Variants in ERC2 observed in about 807,000 individuals in gnomAD.
The protein encoded by ERC2 is ERC protein 2.
ERC2 carries 42 observed loss-of-function variants against 114.8 expected under a neutral mutation model. The ratio of observed to expected loss-of-function variants is 0.37; its 90% CI spans 0.29 to 0.47. The LOEUF is 0.47. Among genes scored for constraint, ERC2 ranks in the 20% least tolerant of loss-of-function variants. The pLI is 0.99. For missense variants in ERC2, 939 were observed against 1,150.7 expected (o/e 0.82, Z 2.66); for synonymous variants, 454 against 425.5 (o/e 1.07, Z -0.82).
At chr3:55,582,518 T>A (rs921100710) in intron 17 of ERC2, among the ~76,000 whole-genome samples, 1 of 152,228 alleles carries the variant, frequency 6.6e-6, no homozygotes, top group Admixed American at 6.5e-5. Flanking sequence ...TGAAGTGGAA[T>A]CTTCTTTTTT....
At chr3:56,330,272 C>G (rs2057551430) in intron 2 of ERC2, among the ~76,000 whole-genome samples, 1 of 152,160 alleles carries the variant, frequency 6.6e-6, no homozygotes, top group African/African-American at 2.4e-5. Context: ...TTCCTGGGCT[C>G]AAGTGATCCA....
chr3:56,112,434 C>G (rs1445926295), intron 6 of ERC2, among the ~76,000 whole-genome samples: 3 of 6,642 alleles, frequency 4.5e-4, no homozygotes, highest in African/African-American at 1.1e-3. Context: ...GACAGACAGA[C>G]ACACACACAC....
At chr3:56,022,822 G>A (rs2073810910) in intron 7 of ERC2, among the ~76,000 whole-genome samples, 1 of 152,162 alleles carries the variant, frequency 6.6e-6, no homozygotes, top group African/African-American at 2.4e-5. Flanking sequence ...TGAGTACAAG[G>A]GAGCTAGAGA....
At chr3:55,629,722 G>A (rs2059665950) in intron 17 of ERC2, among the ~76,000 whole-genome samples, 1 of 152,218 alleles carries the variant, frequency 6.6e-6, no homozygotes, top group Non-Finnish European at 1.5e-5. Flanking sequence ...TTCTACTGAA[G>A]ACAGGCAAAC....
At chr3:55,563,227 T>C (rs1011765566) in intron 17 of ERC2, among the ~76,000 whole-genome samples, 1 of 152,106 alleles carries the variant, frequency 6.6e-6, no homozygotes, top group Non-Finnish European at 1.5e-5. Context: ...TTCTTAGCAG[T>C]AAGTAAGGTG....
At chr3:56,378,358 G>T (rs1288398058) in intron 2 of ERC2, among the ~76,000 whole-genome samples, 1 of 140,306 alleles carries the variant, frequency 7.1e-6, no homozygotes, top group East Asian at 2.1e-4. Context: ...ACTCATAGGT[G>T]GGAATTGAAC....
intron 15 of ERC2, among the ~76,000 whole-genome samples, chr3:55,722,576 GTTTC>G (rs1017926444): frequency 1.3e-5 from 2 of 151,900 alleles, no homozygotes; most frequent in African/African-American, 4.8e-5. Context: ...TCTTTATTTT[GTTTC>G]TTGTTTCTTC....
intron 13 of ERC2, among the ~76,000 whole-genome samples, chr3:55,903,522 C>A (rs1464724192): frequency 6.6e-6 from 1 of 151,740 alleles, no homozygotes; most frequent in East Asian, 1.9e-4. Context: ...CTTATTTTTC[C>A]TCTCATTTCT....
chr3:55,770,041 T>C (rs948410680), intron 14 of ERC2, among the ~76,000 whole-genome samples: 1 of 152,198 alleles, frequency 6.6e-6, no homozygotes, highest in African/African-American at 2.4e-5. Context: ...CCTTGACGAA[T>C]GGGATATAAG....
rs189358300 is a variant in ERC2, at chr3:55,510,629, T to C, written c.*687A>G. On this transcript the variant is annotated 3_prime_UTR_variant, in exon 18 of 18. Transcript: ENST00000288221. ...TAAAAAATTGATTTCTTTTCCAACC[T>C]GGCCCAGAGGTGACTACTGGTTACA... is the stretch of plus-strand genomic sequence containing the variant. The C allele has an allele frequency of 3.3e-5, 5 of 152,770 alleles. No homozygotes were observed. The highest frequency in any genetic ancestry group is 2.6e-4 in the Admixed American group (4 of 15,302). 9.5% of individuals were successfully genotyped at this position (152,770 alleles called of 1,614,324 possible). A position where few individuals can be genotyped will look rare whatever the true frequency, so the allele number is the denominator to read the frequency against.
At chr3:56,295,188 A>G (rs1232973115) in intron 3 of ERC2, among the ~76,000 whole-genome samples, 1 of 152,178 alleles carries the variant, frequency 6.6e-6, no homozygotes, top group East Asian at 1.9e-4. Context: ...TAGTTTGAAA[A>G]CATATTTAAT....
intron 12 of ERC2, among the ~76,000 whole-genome samples, chr3:55,972,161 A>G (rs2069208192): frequency 6.6e-6 from 1 of 152,192 alleles, no homozygotes; most frequent in Non-Finnish European, 1.5e-5. Flanking sequence ...TGAGAACACA[A>G]AAACAAAGAA....
chr3:55,915,912 T>C (rs1371295246), intron 13 of ERC2, among the ~76,000 whole-genome samples: 5 of 152,172 alleles, frequency 3.3e-5, no homozygotes, highest in African/African-American at 4.8e-5. Context: ...CTTTAAAAAA[T>C]GATTACAGAT....
At chr3:56,396,694 GT>G (rs1263626133) in intron 2 of ERC2, among the ~76,000 whole-genome samples, 2 of 151,796 alleles carry the variant, frequency 1.3e-5, no homozygotes, top group Non-Finnish European at 2.9e-5. Flanking sequence ...GTTTTGTTTT[GT>G]TTTTGTTTTT....
intron 3 of ERC2, among the ~76,000 whole-genome samples, chr3:56,267,798 A>G (rs1020210134): frequency 6.6e-6 from 1 of 152,080 alleles, no homozygotes; most frequent in Non-Finnish European, 1.5e-5. Context: ...ACAAAACAAA[A>G]AAACAGGCAG....
At chr3:56,221,892 G>A (rs111674193) in intron 3 of ERC2, among the ~76,000 whole-genome samples, 4,597 of 151,342 alleles carry the variant, frequency 0.03, 95 homozygotes, top group Middle Eastern at 0.065. Context: ...GCAAGACTCC[G>A]TCTCAAAACA....
intron 7 of ERC2, among the ~76,000 whole-genome samples, chr3:56,053,277 C>A (rs145669326): frequency 2.6e-3 from 390 of 152,182 alleles, no homozygotes; most frequent in African/African-American, 8.8e-3. Context: ...ACAACCAGAC[C>A]CACAGGGAAA....
At chr3:56,194,571 G>GTGAT (rs2047981909) in intron 3 of ERC2, among the ~76,000 whole-genome samples, 1 of 152,210 alleles carries the variant, frequency 6.6e-6, no homozygotes, top group Non-Finnish European at 1.5e-5. Flanking sequence ...GAGTGAGTGA[G>GTGAT]TGGTGAGTGA....
At position 56,284,767 on chromosome 3, in the gene ERC2, T is replaced by C. The variant is rs1396480904; in HGVS notation, c.1074+11252A>G. 2.0e-5 allele frequency among the ~76,000 whole-genome samples: 3 copies of C among 152,114 alleles called. No homozygotes were observed. The East Asian group carries it at 5.8e-4, about 29-fold the overall frequency. ...CATAAATACTCCTGAGAATCAAATG[T>C]CTTTTATTTTCACAAAGTCCCAATC... is the stretch of plus-strand genomic sequence containing the variant. On this transcript the variant is annotated intron_variant, in intron 3 of 17. Coordinates refer to ENST00000288221, the MANE Select transcript of ERC2 (RefSeq NM_015576.3).
Sources: gnomAD v4.1 joint callset for allele counts (sites outside exome capture counted in the v4.1 genomes callset) on GRCh38, gnomAD v4.1.1 for gene constraint, MANE v1.5 for transcripts, NCBI Gene and HGNC (gene_info 2026-07-23, HGNC 2026-07-21) for gene names.